The following GPHN variants were observed in gnomAD, a reference collection of about 807,000 sequenced individuals.
The protein encoded by GPHN is gephyrin.
In GPHN, 17 loss-of-function variants were observed where a neutral mutation model predicts 95.5. The ratio of observed to expected loss-of-function variants is 0.18; its 90% CI spans 0.12 to 0.27. GPHN has a LOEUF of 0.27. Ranked by LOEUF, GPHN falls within the 10% of genes least tolerant of loss-of-function variation. The probability of loss-of-function intolerance (pLI) is 1.00; values close to 1 mark genes in which losing one functional copy is unlikely to be tolerated. For missense variants in GPHN, 660 were observed against 978.1 expected (o/e 0.67, Z 4.34); for synonymous variants, 320 against 322.5 (o/e 0.99, Z 0.08).
chr14:67,466,376 A>G, the GPHN span, among the ~76,000 whole-genome samples: 68 of 152,268 alleles, frequency 4.5e-4, 1 homozygote, highest in African/African-American at 1.5e-3. Flanking sequence ...CAAGGCCGGA[A>G]GACTCTAAGA....
the GPHN span, chr14:67,573,294 G>T: frequency 1.2e-6 from 2 of 1,612,748 alleles, 1 homozygote; most frequent in Admixed American, 3.3e-5. The surrounding 1 kb of genome is among the most constrained non-coding windows in gnomAD (Gnocchi z 4.8). Flanking sequence ...GGAGAAGTCG[G>T]GCTACCTGCT....
intron 21 of GPHN, among the ~76,000 whole-genome samples, chr14:67,177,807 G>A (rs2083082717): frequency 6.6e-6 from 1 of 152,156 alleles, no homozygotes; most frequent in Non-Finnish European, 1.5e-5. Context: ...TCTTCTTGTT[G>A]AATTGATCCC....
chr14:67,065,414 T>C (rs2076003542), intron 11 of GPHN, among the ~76,000 whole-genome samples: 1 of 152,182 alleles, frequency 6.6e-6, no homozygotes. Flanking sequence ...ATTCTGTTGA[T>C]TTGGGGTGGA....
chr14:67,392,836 C>T, the GPHN span: 1 of 1,611,314 alleles, frequency 6.2e-7, no homozygotes, highest in Non-Finnish European at 8.5e-7. Context: ...TGAGCCAGTC[C>T]ACCAGGGAGG....
the GPHN span, chr14:67,729,085 G>A: frequency 1.6e-4 from 184 of 1,172,098 alleles, 3 homozygotes; most frequent in South Asian, 2.1e-3. Context: ...CTGGGGTTAT[G>A]TTTCCTGAGT....
chr14:67,538,229 T>A, the GPHN span, among the ~76,000 whole-genome samples: 217 of 152,326 alleles, frequency 1.4e-3, 1 homozygote, highest in Middle Eastern at 6.8e-3. Context: ...GTATGAGATA[T>A]CTGCTACCAC....
the GPHN span, chr14:67,656,548 A>T: frequency 6.2e-7 from 1 of 1,613,896 alleles, no homozygotes; most frequent in Non-Finnish European, 8.5e-7. Flanking sequence ...TCAGGCTTTC[A>T]GTGCCCTGCA....
At chr14:67,226,081 G>C in the GPHN span, among the ~76,000 whole-genome samples, 255 of 152,322 alleles carry the variant, frequency 1.7e-3, 2 homozygotes, top group Non-Finnish European at 2.7e-3. Flanking sequence ...CATCTTGGCA[G>C]GGCCTTGCTG....
At chr14:66,777,100 A>AG (rs1371008540) in intron 3 of GPHN, among the ~76,000 whole-genome samples, 1 of 151,904 alleles carries the variant, frequency 6.6e-6, no homozygotes, top group Non-Finnish European at 1.5e-5. Flanking sequence ...AAAAAAAGAG[A>AG]GAAGAATCAA....
intron 3 of GPHN, among the ~76,000 whole-genome samples, chr14:66,803,025 T>G (rs997140796): frequency 6.6e-6 from 1 of 152,180 alleles, no homozygotes; most frequent in Non-Finnish European, 1.5e-5. Flanking sequence ...AGGACTCACC[T>G]AATTATTGCA....
chr14:67,331,459 A>C, the GPHN span, among the ~76,000 whole-genome samples: 1 of 152,140 alleles, frequency 6.6e-6, no homozygotes, highest in African/African-American at 2.4e-5. Context: ...TACAAAATGT[A>C]ACCAACCGGT....
In GPHN at chr14:66,569,660, C is replaced by CA. The variant is rs55935489; in HGVS notation, c.64+61082dup. The stretch of plus-strand genomic sequence containing the variant: ...CCTAGGTGACAGAGCAAGACTATCT[C>CA]AAAAAAAAAAAAATTAAATTTTTGT... On this transcript the variant is annotated intron_variant, in intron 1 of 22. Coordinates refer to ENST00000478722, the MANE Select transcript of GPHN (RefSeq NM_020806.5). Among the ~76,000 whole-genome samples the CA allele has an allele frequency of 4.0e-3, 551 of 136,072 alleles. 4 individuals carry two copies. The highest frequency in any genetic ancestry group is 0.037 in the South Asian group (158 of 4,262). 89.3% of individuals were successfully genotyped at this position (136,072 alleles called of 152,430 possible). A position where few individuals can be genotyped will look rare whatever the true frequency, so the allele number is the denominator to read the frequency against.
the GPHN span, chr14:67,466,994 C>CAAAAAAAAA: frequency 2.7e-5 from 2 of 72,866 alleles, no homozygotes; most frequent in Non-Finnish European, 5.2e-5. Context: ...GACCCAATCT[C>CAAAAAAAAA]AAAAAAAAAA....
At chr14:67,304,849 G>C in the GPHN span, among the ~76,000 whole-genome samples, 1 of 152,164 alleles carries the variant, frequency 6.6e-6, no homozygotes, top group Non-Finnish European at 1.5e-5. Context: ...ATGGAAGCTT[G>C]ATGTATTGCA....
At chr14:66,869,275 G>T (rs2063340480) in intron 4 of GPHN, among the ~76,000 whole-genome samples, 1 of 152,136 alleles carries the variant, frequency 6.6e-6, no homozygotes, top group Non-Finnish European at 1.5e-5. Context: ...ACCTTTATTT[G>T]TCTGTATTGT....
At chr14:67,370,424 T>C in the GPHN span, among the ~76,000 whole-genome samples, 1 of 152,172 alleles carries the variant, frequency 6.6e-6, no homozygotes, top group Admixed American at 6.5e-5. Context: ...AGTTAAAAAC[T>C]TGTTTTTTGT....
chr14:67,527,980 T>A, the GPHN span, among the ~76,000 whole-genome samples: 1 of 152,074 alleles, frequency 6.6e-6, no homozygotes, highest in African/African-American at 2.4e-5. Flanking sequence ...AGCCACCTAC[T>A]CCTCCACGCT....
chr14:67,638,242 G>A, the GPHN span, among the ~76,000 whole-genome samples: 2,853 of 152,064 alleles, frequency 0.019, 40 homozygotes, highest in Middle Eastern at 0.054. Flanking sequence ...CCTATAACTA[G>A]CCCAGGCATG....
At chr14:66,559,137 A>G (rs2060125942) in intron 1 of GPHN, among the ~76,000 whole-genome samples, 1 of 152,128 alleles carries the variant, frequency 6.6e-6, no homozygotes, top group South Asian at 2.1e-4. Context: ...TCAGTCTATC[A>G]TTGTTGGACA....
Sources: gnomAD v4.1 joint callset for allele counts (sites outside exome capture counted in the v4.1 genomes callset) on GRCh38, gnomAD v4.1.1 for gene constraint, Gnocchi (gnomAD v3.1) non-coding constraint, MANE v1.5 for transcripts, NCBI Gene and HGNC (gene_info 2026-07-23, HGNC 2026-07-21) for gene names.